The following ZFPM2 variants were observed in gnomAD, a reference collection of about 807,000 sequenced individuals.
ZFPM2 encodes the protein zinc finger protein ZFPM2.
In ZFPM2, 20 loss-of-function variants were observed where a neutral mutation model predicts 98.6. The ratio of observed to expected loss-of-function variants is 0.20; its 90% CI spans 0.14 to 0.29. The LOEUF is 0.29. ZFPM2 is among the 10% of genes least tolerant of loss of function. The pLI is 1.00. For missense variants in ZFPM2, 1,310 were observed against 1,388.6 expected (o/e 0.94, Z 0.90); for synonymous variants, 518 against 502.7 (o/e 1.03, Z -0.41).
chr8:105,632,149 G>C (rs1044969682), intron 4 of ZFPM2, among the ~76,000 whole-genome samples: 2 of 148,034 alleles, frequency 1.4e-5, no homozygotes, highest in African/African-American at 5.3e-5. Flanking sequence ...TTGGGGTTTT[G>C]TTTTGTTTTG....
Position 105,798,875 on chromosome 8 carries a change from G to C in ZFPM2, c.891G>C (p.Leu297=), listed in dbSNP as rs1445647068. 1.2e-6 allele frequency: 2 copies of C among 1,613,978 alleles called. No individual in the cohort carries two copies. The highest frequency in any genetic ancestry group is 1.7e-6 in the Non-Finnish European group (2 of 1,179,872). Residue 297 remains leucine, a synonymous_variant, in exon 7 of 8, where the codon CTG becomes CTC. Coordinates refer to ENST00000407775, the MANE Select transcript of ZFPM2 (RefSeq NM_012082.4). ...NEDSAHQISS[L]CPFPQCTKSF... ...ACAGTGCCCATCAGATTTCCAGCCT[G>C]TGCCCCTTCCCACAGTGCACCAAGA...
chr8:105,502,489 G>A (rs536961164), intron 3 of ZFPM2, among the ~76,000 whole-genome samples: 34 of 152,134 alleles, frequency 2.2e-4, no homozygotes, highest in Middle Eastern at 6.8e-3. Flanking sequence ...AAAAAGAAAA[G>A]AAGGAGAAGA....
chr8:105,800,403 A>T (rs1202898851), intron 7 of ZFPM2, among the ~76,000 whole-genome samples: 1 of 148,548 alleles, frequency 6.7e-6, no homozygotes. Context: ...ATGCAAAATG[A>T]CTATATTAGT....
intron 1 of ZFPM2, among the ~76,000 whole-genome samples, chr8:105,326,793 A>C (rs1812123396): frequency 6.6e-6 from 1 of 151,134 alleles, no homozygotes; most frequent in African/African-American, 2.4e-5. Context: ...TGATATTTTC[A>C]TGGAGGTGAC....
At chr8:105,422,939 A>T (rs962810629) in intron 2 of ZFPM2, among the ~76,000 whole-genome samples, 2 of 152,166 alleles carry the variant, frequency 1.3e-5, no homozygotes, top group African/African-American at 4.8e-5. Flanking sequence ...GAGCATTTCT[A>T]TTATACAGGA....
chr8:105,409,661 T>G (rs1268315451), intron 1 of ZFPM2, among the ~76,000 whole-genome samples: 1 of 152,046 alleles, frequency 6.6e-6, no homozygotes. Context: ...GTAATAAATA[T>G]AATTTATACT....
chr8:105,769,871 A>G (rs1812943488), intron 5 of ZFPM2, among the ~76,000 whole-genome samples: 1 of 151,934 alleles, frequency 6.6e-6, no homozygotes, highest in African/African-American at 2.4e-5. Context: ...TGGACCCTTT[A>G]TGTACGAAGG....
intron 2 of ZFPM2, among the ~76,000 whole-genome samples, chr8:105,429,262 ACT>A (rs1811972200): frequency 6.6e-6 from 1 of 152,024 alleles, no homozygotes; most frequent in Non-Finnish European, 1.5e-5. Context: ...GTTAGCCAAT[ACT>A]GAGAACCTAT....
chr8:105,383,657 A>G (rs1810930465), intron 1 of ZFPM2, among the ~76,000 whole-genome samples: 1 of 152,050 alleles, frequency 6.6e-6, no homozygotes, highest in Non-Finnish European at 1.5e-5. Flanking sequence ...TACCTAATAC[A>G]TCTTAGTCTT....
At chr8:105,642,228 A>G (rs1816961435) in intron 5 of ZFPM2, among the ~76,000 whole-genome samples, 1 of 152,108 alleles carries the variant, frequency 6.6e-6, no homozygotes, top group Non-Finnish European at 1.5e-5. Context: ...AGATAAATCT[A>G]GGTGAAAAAA....
At chr8:105,361,400 A>C (rs2129763010) in intron 1 of ZFPM2, among the ~76,000 whole-genome samples, 1 of 149,170 alleles carries the variant, frequency 6.7e-6, no homozygotes, top group South Asian at 2.2e-4. Flanking sequence ...AGGTTGCGAA[A>C]ATTTTCTCCC....
At chr8:105,634,117 G>A (rs949846456) in intron 4 of ZFPM2, 129 bp from the exon 5 acceptor site, 10 of 662,976 alleles carry the variant, frequency 1.5e-5, no homozygotes, top group African/African-American at 1.5e-4. Flanking sequence ...TGAGACAGGG[G>A]AATAAGGACT....
intron 5 of ZFPM2, among the ~76,000 whole-genome samples, chr8:105,745,452 A>G (rs981378694): frequency 8.5e-5 from 13 of 152,148 alleles, no homozygotes; most frequent in Admixed American, 2.6e-4. Flanking sequence ...AAATTAAAGC[A>G]AAACAACTTA....
At chr8:105,501,761 AG>A (rs1813600564) in intron 3 of ZFPM2, among the ~76,000 whole-genome samples, 1 of 152,190 alleles carries the variant, frequency 6.6e-6, no homozygotes, top group Admixed American at 6.5e-5. Flanking sequence ...CTGGGATTAC[AG>A]GTGTGAGCCA....
At chr8:105,762,648 G>C (rs1812757900) in intron 5 of ZFPM2, among the ~76,000 whole-genome samples, 1 of 151,756 alleles carries the variant, frequency 6.6e-6, no homozygotes, top group African/African-American at 2.4e-5. Context: ...AAATATTTTT[G>C]CACATTTATA....
At chr8:105,353,557 C>A (rs1489048556) in intron 1 of ZFPM2, among the ~76,000 whole-genome samples, 1 of 152,110 alleles carries the variant, frequency 6.6e-6, no homozygotes, top group African/African-American at 2.4e-5. Context: ...AATGTAAATT[C>A]CATTAGAACT....
chr8:105,620,184 C>G (rs922905426), intron 4 of ZFPM2, among the ~76,000 whole-genome samples: 1 of 152,190 alleles, frequency 6.6e-6, no homozygotes, highest in Admixed American at 6.5e-5. Flanking sequence ...CACATCCTCT[C>G]CAGCACCTGT....
intron 3 of ZFPM2, among the ~76,000 whole-genome samples, chr8:105,538,529 A>G (rs1265356727): frequency 6.6e-6 from 1 of 152,098 alleles, no homozygotes; most frequent in Non-Finnish European, 1.5e-5. Context: ...TTAATATTAT[A>G]TTTAAATTGT....
chr8:105,434,712 A>C (rs1215390942), intron 2 of ZFPM2, among the ~76,000 whole-genome samples: 6 of 152,216 alleles, frequency 3.9e-5, no homozygotes, highest in Non-Finnish European at 7.3e-5. Context: ...AATGCATTAT[A>C]GGGATGACTA....
Sources: allele counts gnomAD v4.1 joint callset (sites outside exome capture counted in the v4.1 genomes callset), GRCh38; gene constraint gnomAD v4.1.1; transcripts MANE v1.5; gene names NCBI Gene and HGNC (gene_info 2026-07-23, HGNC 2026-07-21).